The following ALK variants were observed in gnomAD, a reference collection of about 807,000 sequenced individuals.
ALK encodes ALK tyrosine kinase receptor.
In ALK, 74 loss-of-function variants were observed where a neutral mutation model predicts 163.1. The observed-to-expected ratio is 0.45, with a 90% CI of 0.38 to 0.55. The LOEUF is 0.55. Ranked by LOEUF, ALK falls within the 20% of genes least tolerant of loss-of-function variation. The pLI, the probability that ALK is intolerant of heterozygous loss-of-function variation, is 0.00. For missense variants in ALK, 2,063 were observed against 2,105.3 expected (o/e 0.98, Z 0.39); for synonymous variants, 960 against 843.2 (o/e 1.14, Z -2.40).
At chr2:29,255,534 G>A (rs1664928872) in intron 11 of ALK, among the ~76,000 whole-genome samples, 3 of 152,246 alleles carry the variant, frequency 2.0e-5, no homozygotes, top group Non-Finnish European at 2.9e-5. Flanking sequence ...TGTCCAGGTG[G>A]AGAAACAGCA....
At position 29,275,124 on chromosome 2, in the gene ALK, T is replaced by A. The variant is rs1060500225; in HGVS notation, c.2016A>T (p.Arg672Ser). ...KELKPGENSP[R>S]QTPIFDPTVH... ...CTGTAGGGTCAAAGATGGGGGTCTG[T>A]CTTGGTGAATTTTCCCCGGGTTTCA... is the stretch of plus-strand genomic sequence containing the variant. The change falls in exon 11 of 29, where the codon AGA becomes AGT. Residue 672 changes from arginine (R) to serine (S), a missense_variant. Arg to Ser is a moderately radical substitution (Grantham distance 110). Transcript: ENST00000389048. The A allele has an allele frequency of 1.2e-5, 20 of 1,614,144 alleles. No homozygotes were observed. In the East Asian group the frequency reaches 2.9e-4, roughly 23 times the overall value.
chr2:29,513,196 A>G (rs1672571392), intron 4 of ALK, among the ~76,000 whole-genome samples: 1 of 144,460 alleles, frequency 6.9e-6, no homozygotes. Context: ...CGCCAAGTCA[A>G]TCCTAAGCCA....
intron 4 of ALK, among the ~76,000 whole-genome samples, chr2:29,391,305 TG>T (rs71754470): frequency 1.0e-4 from 13 of 126,706 alleles, no homozygotes; most frequent in East Asian, 7.2e-4. Flanking sequence ...CTCTTTTTTT[TG>T]GGGGGGGGGT....
At chr2:29,541,883 G>C (rs1240098038) in intron 3 of ALK, among the ~76,000 whole-genome samples, 1 of 152,156 alleles carries the variant, frequency 6.6e-6, no homozygotes, top group Non-Finnish European at 1.5e-5. Flanking sequence ...CTGCTACCGT[G>C]AGATTTCATC....
intron 5 of ALK, among the ~76,000 whole-genome samples, chr2:29,334,840 C>T (rs547919160): frequency 6.6e-6 from 1 of 152,310 alleles, no homozygotes; most frequent in African/African-American, 2.4e-5. Context: ...ACTGCCAGCC[C>T]AAGCCCCAAA....
intron 1 of ALK, among the ~76,000 whole-genome samples, chr2:29,853,029 A>G (rs557237936): frequency 2.0e-5 from 3 of 152,314 alleles, no homozygotes; most frequent in Middle Eastern, 3.4e-3. Context: ...TACACAGTCT[A>G]TGGTATTTTG....
chr2:29,277,832 T>A (rs1171307147), intron 9 of ALK, among the ~76,000 whole-genome samples: 2 of 152,280 alleles, frequency 1.3e-5, no homozygotes, highest in Non-Finnish European at 2.9e-5. Flanking sequence ...TGTATGCCTC[T>A]GAGAGGCATC....
At chr2:29,398,615 T>A (rs186739664) in intron 4 of ALK, among the ~76,000 whole-genome samples, 13 of 152,210 alleles carry the variant, frequency 8.5e-5, no homozygotes, top group Admixed American at 8.5e-4. Flanking sequence ...GGCCTTTTTG[T>A]GATAGGTCAC....
At chr2:29,641,561 G>A (rs1281741704) in intron 3 of ALK, among the ~76,000 whole-genome samples, 1 of 151,828 alleles carries the variant, frequency 6.6e-6, no homozygotes, top group African/African-American at 2.4e-5. Context: ...CACTCATCTT[G>A]GTAATAATAA....
chr2:29,849,876 A>T (rs1178763039), intron 1 of ALK, among the ~76,000 whole-genome samples: 1 of 152,130 alleles, frequency 6.6e-6, no homozygotes, highest in African/African-American at 2.4e-5. Context: ...CATCCCTCCA[A>T]TCTCGTGGTG....
At chr2:29,220,669 G>C (rs753205126) in intron 23 of ALK, 37 bp downstream of exon 23, 1 of 1,612,538 alleles carries the variant, frequency 6.2e-7, no homozygotes, top group African/African-American at 1.3e-5. Flanking sequence ...TCCTGTCCTT[G>C]GCACAACAAC....
intron 1 of ALK, among the ~76,000 whole-genome samples, chr2:29,883,069 AC>A (rs1037701060): frequency 1.3e-5 from 2 of 151,822 alleles, no homozygotes; most frequent in Non-Finnish European, 2.9e-5. Context: ...AGAGAGAGAG[AC>A]GACAGAGAGA....
Position 29,538,316 on chromosome 2 carries a change from C to T in ALK, c.953-6200G>A, listed in dbSNP as rs368145164. ...GTGATTGGATCATGGGGGCAAATCC[C>T]TCATGAATGGTTTAATACAACCCCC... On this transcript the variant is annotated intron_variant, in intron 3 of 28. Coordinates refer to ENST00000389048, the MANE Select transcript of ALK (RefSeq NM_004304.5). Among the ~76,000 whole-genome samples, 21 of 152,200 alleles carry T rather than the reference C, an allele frequency of 1.4e-4. No individual in the cohort carries two copies. The East Asian group carries it at 1.9e-3, about 14-fold the overall frequency.
At chr2:29,717,547 T>G (rs1425811744) in intron 2 of ALK, 31 bp downstream of exon 2, 2 of 1,613,098 alleles carry the variant, frequency 1.2e-6, no homozygotes, top group Non-Finnish European at 1.7e-6. Flanking sequence ...AGTGACAGTG[T>G]ATCTCAAGTA....
At chr2:29,386,466 AAG>A (rs778189292) in intron 4 of ALK, among the ~76,000 whole-genome samples, 5 of 152,224 alleles carry the variant, frequency 3.3e-5, no homozygotes, top group Non-Finnish European at 4.4e-5. Context: ...AAAAGACAAA[AAG>A]AGCCGAATTT....
intron 11 of ALK, among the ~76,000 whole-genome samples, chr2:29,271,782 C>A (rs780369245): frequency 5.9e-5 from 9 of 152,212 alleles, no homozygotes; most frequent in Admixed American, 5.2e-4. Context: ...TTTTATCCCC[C>A]CTTTGGCGAG....
intron 1 of ALK, among the ~76,000 whole-genome samples, chr2:29,825,275 C>G (rs541390588): frequency 6.6e-6 from 1 of 152,214 alleles, no homozygotes; most frequent in Non-Finnish European, 1.5e-5. Context: ...TCTGCTTCAT[C>G]TCTTCATCTG....
chr2:29,624,721 G>T (rs1271112189), intron 3 of ALK, among the ~76,000 whole-genome samples: 1 of 152,218 alleles, frequency 6.6e-6, no homozygotes, highest in African/African-American at 2.4e-5. Context: ...AAACCTGCAC[G>T]TACTGCGCAT....
At chr2:29,918,179 G>C (rs1667886310) in intron 1 of ALK, among the ~76,000 whole-genome samples, 1 of 152,184 alleles carries the variant, frequency 6.6e-6, no homozygotes, top group Non-Finnish European at 1.5e-5. Context: ...TGGCAGGTTC[G>C]GGGCTGTAGA....
Sources: gnomAD v4.1 joint callset for allele counts (sites outside exome capture counted in the v4.1 genomes callset) on GRCh38, gnomAD v4.1.1 for gene constraint, MANE v1.5 for transcripts, NCBI Gene and HGNC (gene_info 2026-07-23, HGNC 2026-07-21) for gene names.